Variants in CLSTN2 observed in about 807,000 individuals in gnomAD.
CLSTN2 encodes the protein calsyntenin 2.
A neutral mutation model predicts 101.2 loss-of-function variants in CLSTN2; 48 were observed. The observed-to-expected ratio is 0.47, with a 90% CI of 0.38 to 0.60. The LOEUF (loss-of-function observed/expected upper bound fraction) is 0.60, where lower values mean the gene tolerates loss of function less well. Among genes scored for constraint, CLSTN2 ranks in the 20% least tolerant of loss-of-function variants. The probability of loss-of-function intolerance (pLI) is 0.00; values close to 1 mark genes in which losing one functional copy is unlikely to be tolerated. For synonymous variants in CLSTN2, 481 were observed against 463.6 expected (o/e 1.04, Z -0.48); for missense variants, 1,160 against 1,238.2 (o/e 0.94, Z 0.95).
chr3:140,556,073 G>A (rs1576625404), intron 10 of CLSTN2, among the ~76,000 whole-genome samples: 1 of 152,322 alleles, frequency 6.6e-6, no homozygotes, highest in South Asian at 2.1e-4. Flanking sequence ...GATACGGCAT[G>A]GGTCAGAAAA....
At chr3:140,558,591 T>C in intron 11 of CLSTN2, 49 bp from the exon 12 acceptor site, 1 of 1,497,472 alleles carries the variant, frequency 6.7e-7, no homozygotes, top group East Asian at 2.3e-5. Context: ...GTATGACAGA[T>C]GGTTTAATTG....
chr3:140,418,730 C>T (rs2088459144), intron 4 of CLSTN2, among the ~76,000 whole-genome samples: 1 of 151,990 alleles, frequency 6.6e-6, no homozygotes, highest in South Asian at 2.1e-4. Flanking sequence ...GTTGGTCACG[C>T]TGGTCTCGAA....
chr3:140,327,975 T>C (rs554421301), intron 2 of CLSTN2, among the ~76,000 whole-genome samples: 2 of 152,270 alleles, frequency 1.3e-5, no homozygotes, highest in East Asian at 3.9e-4. Flanking sequence ...CTCAGGCCAG[T>C]TTTCCTTCAA....
At chr3:140,323,879 A>AGAG (rs2087306715) in intron 2 of CLSTN2, among the ~76,000 whole-genome samples, 1 of 152,220 alleles carries the variant, frequency 6.6e-6, no homozygotes, top group African/African-American at 2.4e-5. Flanking sequence ...CTGTCCTGAG[A>AGAG]CTAAGCTCTT....
Position 140,556,515 on chromosome 3 carries a change from T to C in CLSTN2, c.1677T>C (p.Tyr559=), listed in dbSNP as rs374856784. ...SLESLGQGIK[Y]HFNPSQSILV... ...TGATGCTCACTTTTGTCTTCCAGTA[T>C]CACTTCAACCCCTCGCAGTCCATCC... Residue 559 remains tyrosine, a splice_region_variant and synonymous_variant, in exon 11 of 17, where the codon TAT becomes TAC. Transcript: ENST00000458420. 19 of 1,613,894 alleles carry C rather than the reference T, an allele frequency of 1.2e-5. No homozygotes were observed. The highest frequency in any genetic ancestry group is 1.5e-5 in the Non-Finnish European group (18 of 1,179,928).
At chr3:140,537,553 A>G (rs1026854604) in intron 9 of CLSTN2, among the ~76,000 whole-genome samples, 42 of 152,096 alleles carry the variant, frequency 2.8e-4, no homozygotes, top group Admixed American at 1.0e-3. Context: ...CCCCCTTGCT[A>G]TCATTTCTGT....
intron 2 of CLSTN2, among the ~76,000 whole-genome samples, chr3:140,300,823 TAAAG>T: frequency 6.6e-6 from 1 of 152,192 alleles, no homozygotes; most frequent in Non-Finnish European, 1.5e-5. Flanking sequence ...TATGCATACA[TAAAG>T]AGATTTACTA....
chr3:140,059,763 C>G (rs2008165699), intron 1 of CLSTN2, among the ~76,000 whole-genome samples: 1 of 152,166 alleles, frequency 6.6e-6, no homozygotes, highest in African/African-American at 2.4e-5. Flanking sequence ...TCAGGCTGAA[C>G]CTGCAACCTT....
intron 8 of CLSTN2, among the ~76,000 whole-genome samples, chr3:140,513,769 C>CT (rs1358663674): frequency 6.6e-6 from 1 of 151,494 alleles, no homozygotes; most frequent in Non-Finnish European, 1.5e-5. Context: ...TGGGCCTGGG[C>CT]TTTTTTTGGT....
intron 8 of CLSTN2, among the ~76,000 whole-genome samples, chr3:140,480,867 T>C (rs996774670): frequency 2.6e-5 from 4 of 152,236 alleles, no homozygotes; most frequent in Non-Finnish European, 4.4e-5. Flanking sequence ...AATGAGTAGA[T>C]TGCAAAAATT....
intron 8 of CLSTN2, among the ~76,000 whole-genome samples, chr3:140,519,737 A>G (rs1011043632): frequency 2.0e-5 from 3 of 152,130 alleles, no homozygotes; most frequent in African/African-American, 7.2e-5. Context: ...GGAAGACAGC[A>G]TACTGATGGG....
chr3:140,246,237 T>C (rs896633667), intron 2 of CLSTN2, among the ~76,000 whole-genome samples: 4 of 152,216 alleles, frequency 2.6e-5, no homozygotes, highest in African/African-American at 9.6e-5. Context: ...TGACGTTTTA[T>C]TATTTTCCCC....
chr3:140,333,664 A>AC (rs2087410457), intron 2 of CLSTN2, among the ~76,000 whole-genome samples: 1 of 150,112 alleles, frequency 6.7e-6, no homozygotes. Flanking sequence ...ATAGAAACTA[A>AC]CAGTATTAGA....
intron 1 of CLSTN2, among the ~76,000 whole-genome samples, chr3:140,168,176 A>G (rs1181540341): frequency 3.3e-5 from 5 of 152,158 alleles, no homozygotes; most frequent in Non-Finnish European, 7.4e-5. Flanking sequence ...ATTACTTTAC[A>G]TGTTTATCAG....
chr3:140,351,977 T>C (rs2087611696), intron 2 of CLSTN2, among the ~76,000 whole-genome samples: 2 of 152,162 alleles, frequency 1.3e-5, no homozygotes, highest in Non-Finnish European at 2.9e-5. Context: ...TTTACCATCT[T>C]TTCTTCCTGT....
At chr3:140,525,814 C>G (rs948185970) in intron 8 of CLSTN2, among the ~76,000 whole-genome samples, 1 of 152,036 alleles carries the variant, frequency 6.6e-6, no homozygotes, top group African/African-American at 2.4e-5. Flanking sequence ...TGAACAGAAT[C>G]AAAAACCACA....
chr3:140,271,703 T>G (rs1283981732), intron 2 of CLSTN2, among the ~76,000 whole-genome samples: 2 of 152,176 alleles, frequency 1.3e-5, no homozygotes, highest in Non-Finnish European at 2.9e-5. Context: ...GGTGATTAGC[T>G]TTCAATGCAT....
chr3:140,048,141 G>A (rs898784346), intron 1 of CLSTN2, among the ~76,000 whole-genome samples: 2 of 152,146 alleles, frequency 1.3e-5, no homozygotes, highest in African/African-American at 4.8e-5. Context: ...TATCTAAAAT[G>A]TTGTCATTAT....
intron 1 of CLSTN2, among the ~76,000 whole-genome samples, chr3:140,036,143 C>T (rs2007648001): frequency 6.6e-6 from 1 of 152,202 alleles, no homozygotes; most frequent in Non-Finnish European, 1.5e-5. Context: ...CATTTGCTTG[C>T]CCTTGTTTCC....
Sources: allele counts gnomAD v4.1 joint callset (sites outside exome capture counted in the v4.1 genomes callset), GRCh38; gene constraint gnomAD v4.1.1; transcripts MANE v1.5; gene names NCBI Gene and HGNC (gene_info 2026-07-23, HGNC 2026-07-21).